ZNF57: variants seen among roughly 807,000 people sequenced by gnomAD.
ZNF57 encodes the protein zinc finger protein 424.
ZNF57 carries 11 observed loss-of-function variants against 13.4 expected under a neutral mutation model. The observed-to-expected ratio is 0.82, with a 90% CI of 0.52 to 1.36. The LOEUF (loss-of-function observed/expected upper bound fraction) is 1.36. Ranked by LOEUF, ZNF57 falls within the 40% of genes most tolerant of loss-of-function variation. The pLI, the probability that ZNF57 is intolerant of heterozygous loss-of-function variation, is 0.00. For synonymous variants in ZNF57, 224 were observed against 238.5 expected, an observed-to-expected ratio of 0.94 and a Z score of 0.56; for missense variants, 696 against 667.5, an observed-to-expected ratio of 1.04 and a Z score of -0.47.
intron 1 of ZNF57, among the ~76,000 whole-genome samples, chr19:2,903,362 C>T (rs1476666082): frequency 6.6e-6 from 1 of 152,126 alleles, no homozygotes; most frequent in Non-Finnish European, 1.5e-5. Flanking sequence ...CAGGCACTTG[C>T]CACCACGACC....
chr19:2,900,946 C>G lies in ZNF57; in HGVS notation c.-100C>G. 1.3e-6 allele frequency: 2 copies of G among 1,483,734 alleles called. No individual in the cohort carries two copies. The highest frequency in any genetic ancestry group is 1.8e-6 in the Non-Finnish European group (2 of 1,096,640). 91.9% of individuals were successfully genotyped at this position (1,483,734 alleles called of 1,614,324 possible). On this transcript the variant is annotated 5_prime_UTR_variant, in exon 1 of 4. Transcript: ENST00000306908. ...TTTCGTCCTCCCTGCCGCGCGTGCC[C>G]TGCCTACCACGAGCGGCCCGGGAGT...
intron 1 of ZNF57, among the ~76,000 whole-genome samples, chr19:2,914,177 G>A (rs753470804): frequency 6.6e-6 from 1 of 152,086 alleles, no homozygotes; most frequent in South Asian, 2.1e-4. Context: ...TGATGATGCT[G>A]TGCTCAACTA....
At position 2,901,054 on chromosome 19, in the gene ZNF57, T is replaced by C. The variant is rs764393208; in HGVS notation, c.3+6T>C. 5 of 1,557,854 alleles carry C rather than the reference T, an allele frequency of 3.2e-6. No individual in the cohort carries two copies. In the African/African-American group the frequency reaches 6.8e-5, roughly 21 times the overall value. On this transcript the variant is annotated splice_donor_region_variant and intron_variant, in intron 1 of 3. Transcript: ENST00000306908. ...CCAGGAGCAGGGGAGACATGGTGAG[T>C]GCGAGGCAGGAGCAGAGCCAGGGGA...
In ZNF57 at chr19:2,905,405, T is replaced by TCCCC. The variant is rs140126572; in HGVS notation, c.3+4358_3+4359insCCCC. On this transcript the variant is annotated intron_variant, in intron 1 of 3. Coordinates refer to ENST00000306908, the MANE Select transcript of ZNF57 (RefSeq NM_173480.3). ...GTCTCGAACTCTTGACTTCAGGTGA[T>TCCCC]CGCCCCCCCCCCCTCGGCATTCCAA... 4.8e-4 allele frequency among the ~76,000 whole-genome samples: 23 copies of TCCCC among 47,502 alleles called. 8 individuals are homozygous for TCCCC. The highest frequency in any genetic ancestry group is 7.6e-4 in the Admixed American group (3 of 3,954). The allele number at this position is 47,502 out of a possible 152,430, so 31.2% of individuals were successfully genotyped here.
chr19:2,903,027 C>T (rs2088042103), intron 1 of ZNF57, among the ~76,000 whole-genome samples: 1 of 152,188 alleles, frequency 6.6e-6, no homozygotes. Context: ...TCTGGCTGGG[C>T]AGCCTCCACT....
chr19:2,906,450 A>C (rs901259915), intron 1 of ZNF57, among the ~76,000 whole-genome samples: 1 of 152,368 alleles, frequency 6.6e-6, no homozygotes, highest in South Asian at 2.1e-4. Flanking sequence ...ACAGAGCAAG[A>C]AAAATATGCC....
chr19:2,909,255 TA>T (rs2088107724), intron 1 of ZNF57, among the ~76,000 whole-genome samples: 1 of 150,072 alleles, frequency 6.7e-6, no homozygotes, highest in African/African-American at 2.4e-5. Context: ...TTTTTCCTTA[TA>T]ATAGATTTTA....
chr19:2,906,841 C>T (rs1435617119), intron 1 of ZNF57, among the ~76,000 whole-genome samples: 1 of 152,136 alleles, frequency 6.6e-6, no homozygotes, highest in Non-Finnish European at 1.5e-5. Flanking sequence ...GTGTCACCAC[C>T]GGAGGCATCA....
chr19:2,901,077 G>A (rs1210133013), intron 1 of ZNF57, 29 bp downstream of exon 1: 1 of 1,548,444 alleles, frequency 6.5e-7, no homozygotes, highest in Non-Finnish European at 8.7e-7. Context: ...CAGAGCCAGG[G>A]GACGGTCGGA....
intron 3 of ZNF57, 156 bp downstream of exon 3, chr19:2,916,405 C>CATAATTGTTAGAAGT: frequency 1.4e-6 from 1 of 703,672 alleles, no homozygotes; most frequent in East Asian, 2.9e-5. Context: ...GAATTTGAAA[C>CATAATTGTTAGAAGT]ATAATTGTTA....
intron 1 of ZNF57, among the ~76,000 whole-genome samples, chr19:2,910,640 T>C (rs2088123557): frequency 8.8e-6 from 1 of 113,000 alleles, no homozygotes; most frequent in Non-Finnish European, 1.9e-5. Context: ...TTTTGTATTT[T>C]TAGTAGAGAC....
intron 1 of ZNF57, among the ~76,000 whole-genome samples, chr19:2,913,120 A>AT (rs2088155710): frequency 6.6e-6 from 1 of 152,016 alleles, no homozygotes; most frequent in Admixed American, 6.6e-5. Context: ...CGCCCAGCTA[A>AT]TTTTTGTGTT....
intron 1 of ZNF57, among the ~76,000 whole-genome samples, chr19:2,909,306 A>T (rs1308765032): frequency 1.1e-5 from 1 of 89,940 alleles, no homozygotes; most frequent in Non-Finnish European, 2.3e-5. Context: ...TTTGAGACAG[A>T]GTCTCGCTCT....
intron 1 of ZNF57, among the ~76,000 whole-genome samples, chr19:2,913,526 C>T (rs2088159779): frequency 6.6e-6 from 1 of 152,020 alleles, no homozygotes; most frequent in Non-Finnish European, 1.5e-5. Context: ...AAGTATTTCC[C>T]TTTTGATTTC....
chr19:2,910,457 C>CTTT (rs1212426647), intron 1 of ZNF57, among the ~76,000 whole-genome samples: 2 of 8,632 alleles, frequency 2.3e-4, no homozygotes, highest in Non-Finnish European at 3.2e-4. Context: ...CTTTTCTTTT[C>CTTT]TTTTTTTTTT....
At position 2,915,575 on chromosome 19, in the gene ZNF57, T is replaced by G. The variant is rs1229898349; in HGVS notation, c.57T>G (p.Ala19=). The G allele has an allele frequency of 1.9e-6, 3 of 1,614,050 alleles. No homozygotes were observed. The South Asian group carries it at 3.3e-5, about 18-fold the overall frequency. The change falls in exon 2 of 4, where the codon GCT becomes GCG. Residue 19 remains alanine (A), a synonymous_variant. Coordinates refer to ENST00000306908, the MANE Select transcript of ZNF57 (RefSeq NM_173480.3). The part of the protein sequence containing the change: ...VAVDFTLEEW[A]LLDSAQRDLY... The stretch of plus-strand genomic sequence containing the variant: ...TGGACTTCACCCTGGAGGAGTGGGC[T>G]TTGCTGGATTCTGCTCAGAGGGACC...
chr19:2,917,914 G>C lies in ZNF57; in HGVS notation c.1293G>C (p.Trp431Cys), dbSNP rs762651395. 2 of 1,613,854 alleles carry C rather than the reference G, an allele frequency of 1.2e-6. No homozygotes were observed. The highest frequency in any genetic ancestry group is 2.2e-5 in the East Asian group (1 of 44,878). Reference protein sequence around the residue: ...ECKQCGKTFTWSSTFREHVRI... With the variant: ...ECKQCGKTFTCSSTFREHVRI... ...AACAATGTGGAAAAACCTTCACTTG[G>C]TCCTCAACGTTTAGAGAACATGTGA... is the stretch of plus-strand genomic sequence containing the variant. The change falls in exon 4 of 4, where the codon TGG becomes TGC. Residue 431 changes from tryptophan to cysteine, a missense_variant. This residue lies in a region of ZNF57 where 645 missense variants were observed against 591.5 expected (regional missense o/e 1.09). Coordinates refer to ENST00000306908, the MANE Select transcript of ZNF57 (RefSeq NM_173480.3).
intron 1 of ZNF57, among the ~76,000 whole-genome samples, chr19:2,907,911 C>T (rs535051161): frequency 6.6e-6 from 1 of 152,262 alleles, no homozygotes; most frequent in East Asian, 1.9e-4. Context: ...ACTGTGTCTC[C>T]TTATGTCGCC....
At chr19:2,915,727 T>C (rs766547008) in intron 2 of ZNF57, 79 bp downstream of exon 2, 5 of 1,605,762 alleles carry the variant, frequency 3.1e-6, no homozygotes, top group Non-Finnish European at 4.3e-6. Context: ...AGATGTGAAA[T>C]GTGGGAAAGG....
Sources: allele counts gnomAD v4.1 joint callset (sites outside exome capture counted in the v4.1 genomes callset), GRCh38; gene constraint gnomAD v4.1.1; regional missense constraint gnomAD v4.1.1; transcripts MANE v1.5; gene names NCBI Gene and HGNC (gene_info 2026-07-23, HGNC 2026-07-21).